The following AFG1L variants were observed in gnomAD, a reference collection of about 807,000 sequenced individuals.
AFG1L encodes the protein AFG1 like ATPase.
AFG1L carries 53 observed loss-of-function variants against 62.2 expected under a neutral mutation model. The ratio of observed to expected loss-of-function variants is 0.85; its 90% CI spans 0.68 to 1.07. The LOEUF (loss-of-function observed/expected upper bound fraction) is 1.07, where lower values mean the gene tolerates loss of function less well. AFG1L is among the 50% of genes least tolerant of loss of function. The pLI is 0.00. For missense variants in AFG1L, 555 were observed against 590.5 expected (o/e 0.94, Z 0.62); for synonymous variants, 228 against 210.3 (o/e 1.08, Z -0.73).
intron 7 of AFG1L, among the ~76,000 whole-genome samples, chr6:108,445,318 T>C (rs1771721849): frequency 6.6e-6 from 1 of 152,242 alleles, no homozygotes. Context: ...ACTCAAACTT[T>C]TCTCCATATC....
intron 10 of AFG1L, among the ~76,000 whole-genome samples, chr6:108,493,497 A>C (rs1410142763): frequency 6.6e-6 from 1 of 152,176 alleles, no homozygotes; most frequent in Non-Finnish European, 1.5e-5. Context: ...AGAAATATGG[A>C]GGGTCTTTCT....
intron 1 of AFG1L, among the ~76,000 whole-genome samples, chr6:108,297,386 C>T (rs987081308): frequency 2.0e-5 from 3 of 152,118 alleles, no homozygotes; most frequent in East Asian, 3.9e-4. Context: ...GGATTACAGG[C>T]GTGAGCCATG....
intron 11 of AFG1L, among the ~76,000 whole-genome samples, chr6:108,514,453 A>AT (rs1413127092): frequency 6.6e-6 from 1 of 152,174 alleles, no homozygotes; most frequent in Non-Finnish European, 1.5e-5. Flanking sequence ...ATGCTGAGAG[A>AT]TTTTGTCACC....
At chr6:108,459,082 C>T (rs1772359204) in intron 8 of AFG1L, among the ~76,000 whole-genome samples, 1 of 152,142 alleles carries the variant, frequency 6.6e-6, no homozygotes, top group African/African-American at 2.4e-5. Context: ...CTATTCCTGG[C>T]CATGTATGAG....
At position 108,374,718 on chromosome 6, in the gene AFG1L, A is replaced by G. The variant is rs531734731; in HGVS notation, c.748+8386A>G. ...TCTGTTTTGGTACCAGTACCATGCT[A>G]TTTTGGTTACCATAGCCTTATGGTA... On this transcript the variant is annotated intron_variant, in intron 6 of 12. Transcript: ENST00000368977. 3.9e-5 allele frequency among the ~76,000 whole-genome samples: 6 copies of G among 152,028 alleles called. No individual in the cohort carries two copies. In the East Asian group the frequency reaches 9.7e-4, roughly 24 times the overall value.
At chr6:108,361,393 C>T (rs984019088) in intron 5 of AFG1L, among the ~76,000 whole-genome samples, 1 of 152,162 alleles carries the variant, frequency 6.6e-6, no homozygotes, top group Non-Finnish European at 1.5e-5. Flanking sequence ...AGCAATGAGT[C>T]AGAAGGCCAG....
chr6:108,299,698 G>A (rs1485846054), intron 1 of AFG1L, among the ~76,000 whole-genome samples: 1 of 152,192 alleles, frequency 6.6e-6, no homozygotes, highest in African/African-American at 2.4e-5. Context: ...AGCTACTCAT[G>A]AGGCCAAAGC....
chr6:108,516,706 C>A lies in AFG1L; in HGVS notation c.1204-2991C>A, dbSNP rs1199935152. Among the ~76,000 whole-genome samples, 3 of 152,296 alleles carry A rather than the reference C, an allele frequency of 2.0e-5. No individual in the cohort carries two copies. The East Asian group carries it at 5.8e-4, about 29-fold the overall frequency. ...GTATTCAATTCGGAAAAGAGGAAGT[C>A]AAATTGTCCCTGTTTGCAGATGACA... is the stretch of plus-strand genomic sequence containing the variant. On this transcript the variant is annotated intron_variant, in intron 11 of 12. Transcript: ENST00000368977.
chr6:108,454,107 C>G (rs1012339945), intron 8 of AFG1L, among the ~76,000 whole-genome samples: 3 of 152,108 alleles, frequency 2.0e-5, no homozygotes, highest in Non-Finnish European at 4.4e-5. Context: ...TGGTCTTATG[C>G]CAAATATGAG....
At chr6:108,326,193 C>T (rs1412031502) in intron 2 of AFG1L, among the ~76,000 whole-genome samples, 2 of 152,122 alleles carry the variant, frequency 1.3e-5, no homozygotes, top group African/African-American at 4.8e-5. Flanking sequence ...CCCGCAGCCC[C>T]CTGAGTAGGC....
At chr6:108,365,483 G>T (rs1189775197) in intron 5 of AFG1L, among the ~76,000 whole-genome samples, 12 of 108,734 alleles carry the variant, frequency 1.1e-4, no homozygotes, top group Non-Finnish European at 1.8e-4. Context: ...TTGAAAGGTG[G>T]TTTTTTTTGT....
At chr6:108,471,295 A>G (rs1192634716) in intron 8 of AFG1L, among the ~76,000 whole-genome samples, 2 of 152,106 alleles carry the variant, frequency 1.3e-5, no homozygotes, top group Non-Finnish European at 2.9e-5. Context: ...AGACTGAACT[A>G]AATACCACTG....
At chr6:108,383,354 T>C (rs981747838) in intron 6 of AFG1L, among the ~76,000 whole-genome samples, 1 of 151,974 alleles carries the variant, frequency 6.6e-6, no homozygotes, top group Admixed American at 6.5e-5. Flanking sequence ...TATTCAAAAA[T>C]CAGGAAAACA....
intron 7 of AFG1L, among the ~76,000 whole-genome samples, chr6:108,415,819 A>G (rs1406072455): frequency 6.6e-6 from 1 of 152,228 alleles, no homozygotes; most frequent in Non-Finnish European, 1.5e-5. Flanking sequence ...ATAAAAACCT[A>G]GAAGAAAACC....
chr6:108,506,587 A>C lies in AFG1L; in HGVS notation c.1063-3625A>C, dbSNP rs186733681. On this transcript the variant is annotated intron_variant, in intron 10 of 12. Transcript: ENST00000368977. ...TAAATGCTATGTAAATAGTTGTTAT[A>C]ATCTCCAACTCCTGAGCTCGAGTGA... Among the ~76,000 whole-genome samples, 943 of 149,308 alleles carry C rather than the reference A, an allele frequency of 6.3e-3. 8 individuals carry two copies. The highest frequency in any genetic ancestry group is 0.021 in the African/African-American group (841 of 40,342).
chr6:108,476,944 G>C lies in AFG1L; in HGVS notation c.961+9G>C. On this transcript the variant is annotated intron_variant, in intron 9 of 12. Transcript: ENST00000368977. ...TCAGAAACAAAATGATTGTACGTAA[G>C]TTAATTTCTCTTGAAAGAGAATACA... The C allele has an allele frequency of 5.0e-6, 8 of 1,610,868 alleles. No individual in the cohort carries two copies. Among genetic ancestry groups the C allele is most frequent in the Non-Finnish European group, 5.9e-6 (7 of 1,177,168 alleles).
intron 2 of AFG1L, among the ~76,000 whole-genome samples, chr6:108,328,927 TA>T (rs1024539800): frequency 9.2e-5 from 14 of 152,230 alleles, no homozygotes; most frequent in Admixed American, 8.5e-4. Context: ...AAATCTAATG[TA>T]AATGGAAGAT....
chr6:108,421,276 A>T (rs184476174), intron 7 of AFG1L, among the ~76,000 whole-genome samples: 22 of 152,290 alleles, frequency 1.4e-4, no homozygotes, highest in African/African-American at 5.3e-4. Context: ...TAACAGAATC[A>T]TTATTTAATT....
chr6:108,442,595 CTTCAAATGTTAG>C (rs1771598355), intron 7 of AFG1L, among the ~76,000 whole-genome samples: 1 of 152,128 alleles, frequency 6.6e-6, no homozygotes, highest in African/African-American at 2.4e-5. Context: ...CAGGGCTGTT[CTTCAAATGTTAG>C]TTCAAAAGCC....
Sources: gnomAD v4.1 joint callset for allele counts (sites outside exome capture counted in the v4.1 genomes callset) on GRCh38, gnomAD v4.1.1 for gene constraint, MANE v1.5 for transcripts, NCBI Gene and HGNC (gene_info 2026-07-23, HGNC 2026-07-21) for gene names.